The following ZNF438 variants were observed in gnomAD, a reference collection of about 807,000 sequenced individuals.
ZNF438 encodes the protein zinc finger protein 438.
Under a neutral mutation model 38.0 loss-of-function variants are expected in ZNF438, and 25 were observed. The ratio of observed to expected loss-of-function variants is 0.66; its 90% CI spans 0.48 to 0.92. The LOEUF is 0.92. ZNF438 is among the 40% of genes least tolerant of loss of function. The pLI, the probability that ZNF438 is intolerant of heterozygous loss-of-function variation, is 0.00. For missense variants in ZNF438, 1,007 were observed against 999.6 expected, an observed-to-expected ratio of 1.01 and a Z score of -0.10; for synonymous variants, 372 against 364.1, an observed-to-expected ratio of 1.02 and a Z score of -0.25.
chr10:30,967,976 A>G (rs1277262077), intron 1 of ZNF438, among the ~76,000 whole-genome samples: 1 of 152,230 alleles, frequency 6.6e-6, no homozygotes. Context: ...TATACAAGCC[A>G]GGAGCAGAGA....
intron 1 of ZNF438, among the ~76,000 whole-genome samples, chr10:31,005,685 T>C (rs1281624375): frequency 1.3e-5 from 2 of 152,206 alleles, no homozygotes; most frequent in African/African-American, 4.8e-5. Context: ...AGATGACTGA[T>C]GTTAATTTGC....
At chr10:30,975,740 A>G (rs2051265296) in intron 1 of ZNF438, among the ~76,000 whole-genome samples, 1 of 152,232 alleles carries the variant, frequency 6.6e-6, no homozygotes, top group South Asian at 2.1e-4. Context: ...ATAAATCAAA[A>G]TAATAAGTAA....
chr10:31,017,585 A>G (rs1423294699), intron 1 of ZNF438, among the ~76,000 whole-genome samples: 2 of 152,242 alleles, frequency 1.3e-5, no homozygotes, highest in African/African-American at 2.4e-5. Flanking sequence ...GGTCATAGAT[A>G]TTAAGCTTGT....
At chr10:30,904,841 A>C (rs1024720002) in intron 3 of ZNF438, among the ~76,000 whole-genome samples, 2 of 152,166 alleles carry the variant, frequency 1.3e-5, no homozygotes, top group African/African-American at 4.8e-5. Flanking sequence ...TTTGGATCGC[A>C]AAGGAAAATC....
At chr10:31,030,027 T>C (rs920412942) in intron 1 of ZNF438, among the ~76,000 whole-genome samples, 2 of 152,268 alleles carry the variant, frequency 1.3e-5, no homozygotes, top group Admixed American at 6.5e-5. Context: ...TTGCCTCATC[T>C]ATGAAAGGGA....
At chr10:30,963,313 AC>A (rs2049715501) in intron 1 of ZNF438, among the ~76,000 whole-genome samples, 2 of 146,684 alleles carry the variant, frequency 1.4e-5, no homozygotes, top group Admixed American at 1.4e-4. Context: ...AATTGCTTGA[AC>A]CCAGGAGGTG....
intron 3 of ZNF438, among the ~76,000 whole-genome samples, chr10:30,882,111 A>G (rs945368375): frequency 4.6e-5 from 7 of 152,228 alleles, no homozygotes; most frequent in Non-Finnish European, 7.4e-5. Context: ...GATATCAATA[A>G]GACAATGAAA....
intron 3 of ZNF438, among the ~76,000 whole-genome samples, chr10:30,903,606 C>T (rs1249707377): frequency 6.6e-6 from 1 of 152,176 alleles, no homozygotes; most frequent in East Asian, 1.9e-4. Flanking sequence ...GGGGGAGGAT[C>T]AGCAAGGCCA....
intron 1 of ZNF438, among the ~76,000 whole-genome samples, chr10:30,952,663 A>C (rs2135831079): frequency 7.7e-6 from 1 of 130,008 alleles, no homozygotes; most frequent in South Asian, 2.9e-4. Context: ...GCTCATCATC[A>C]CTGGCCATCA....
intron 1 of ZNF438, among the ~76,000 whole-genome samples, chr10:31,007,962 G>C (rs187139277): frequency 1.3e-5 from 2 of 152,150 alleles, no homozygotes; most frequent in African/African-American, 2.4e-5. Flanking sequence ...AAAACTTTAC[G>C]ATTCTAAAAT....
intron 2 of ZNF438, among the ~76,000 whole-genome samples, chr10:30,915,888 T>C (rs2043575949): frequency 6.6e-6 from 1 of 152,038 alleles, no homozygotes; most frequent in Non-Finnish European, 1.5e-5. Flanking sequence ...AGCCGGGCCC[T>C]CTCAGTTATC....
At chr10:30,981,403 T>C (rs1312428775) in intron 1 of ZNF438, among the ~76,000 whole-genome samples, 2 of 152,210 alleles carry the variant, frequency 1.3e-5, no homozygotes, top group Non-Finnish European at 2.9e-5. Flanking sequence ...GAGCTGCTTA[T>C]ATCATGAACA....
At chr10:30,991,408 C>T (rs1401659379) in intron 1 of ZNF438, among the ~76,000 whole-genome samples, 1 of 152,198 alleles carries the variant, frequency 6.6e-6, no homozygotes, top group Non-Finnish European at 1.5e-5. Flanking sequence ...CACTGGGCTT[C>T]TATCACTCCT....
chr10:30,918,626 G>C (rs1253700094), intron 2 of ZNF438, among the ~76,000 whole-genome samples: 2 of 152,160 alleles, frequency 1.3e-5, no homozygotes, highest in Non-Finnish European at 2.9e-5. Flanking sequence ...TCGTGAGAAA[G>C]TTTAATATTA....
exon 6 of ZNF438, chr10:30,844,763 CAT>C (rs1478779722): frequency 5.8e-5 from 37 of 633,248 alleles, no homozygotes; most frequent in Non-Finnish European, 9.4e-5. Context: ...AATAAGACTG[CAT>C]ATAGTTAGAA....
chr10:30,949,824 A>G (rs1381901784), intron 1 of ZNF438, among the ~76,000 whole-genome samples: 8 of 151,858 alleles, frequency 5.3e-5, no homozygotes, highest in Non-Finnish European at 7.4e-5. Flanking sequence ...CACTGTCAAC[A>G]TTAGACAGAT....
chr10:30,903,977 G>A (rs1315310453), intron 3 of ZNF438, among the ~76,000 whole-genome samples: 1 of 144,340 alleles, frequency 6.9e-6, no homozygotes, highest in Non-Finnish European at 1.5e-5. Context: ...CAGAACTTTA[G>A]TAACAGCACA....
intron 1 of ZNF438, among the ~76,000 whole-genome samples, chr10:31,000,091 T>C (rs2054494683): frequency 6.6e-6 from 1 of 152,202 alleles, no homozygotes. Flanking sequence ...CCCAAATTTG[T>C]GTCTCTATGC....
At chr10:30,978,950 G>A (rs997947764) in intron 1 of ZNF438, among the ~76,000 whole-genome samples, 14 of 152,104 alleles carry the variant, frequency 9.2e-5, no homozygotes. Context: ...TATCGTCTTC[G>A]AATATAAGGC....
Sources: gnomAD v4.1 joint callset for allele counts (sites outside exome capture counted in the v4.1 genomes callset) on GRCh38, gnomAD v4.1.1 for gene constraint, MANE v1.5 for transcripts, NCBI Gene and HGNC (gene_info 2026-07-23, HGNC 2026-07-21) for gene names.